The following NME5 variants were observed in gnomAD, a reference collection of about 807,000 sequenced individuals.
The protein encoded by NME5 is NME/NM23 family member 5, also known as nucleoside diphosphate kinase 5.
Under a neutral mutation model 21.6 loss-of-function variants are expected in NME5, and 18 were observed. The ratio of observed to expected loss-of-function variants is 0.83; its 90% CI spans 0.58 to 1.24. The LOEUF (loss-of-function observed/expected upper bound fraction) is 1.24, where lower values mean the gene tolerates loss of function less well. Ranked by LOEUF, NME5 falls within the 50% of genes most tolerant of loss-of-function variation. The pLI is 0.00. For synonymous variants in NME5, 70 were observed against 80.6 expected, an observed-to-expected ratio of 0.87 and a Z score of 0.71; for missense variants, 223 against 255.4, an observed-to-expected ratio of 0.87 and a Z score of 0.86.
chr5:138,135,523 C>A (rs540168802), intron 2 of NME5, among the ~76,000 whole-genome samples: 3 of 151,528 alleles, frequency 2.0e-5, no homozygotes, highest in Non-Finnish European at 4.4e-5. Flanking sequence ...TTAGTAGAGA[C>A]GGGGTTTCAC....
intron 5 of NME5, among the ~76,000 whole-genome samples, chr5:138,118,101 C>A (rs917731581): frequency 4.6e-5 from 7 of 151,982 alleles, no homozygotes; most frequent in African/African-American, 1.7e-4. Context: ...TAAAAAGGTT[C>A]TCAATATTTG....
Position 138,139,392 on chromosome 5 carries a change from G to A in NME5, c.-27C>T. 1 of 985,672 alleles carries A rather than the reference G, an allele frequency of 1.0e-6. No homozygotes were observed. The highest frequency in any genetic ancestry group is 1.2e-6 in the Non-Finnish European group (1 of 830,166). The allele number at this position is 985,672 out of a possible 1,614,324, so 61.1% of individuals were successfully genotyped here. A position where few individuals can be genotyped will look rare whatever the true frequency, so the allele number is the denominator to read the frequency against. ...TCACCTCAGCGGCCGTCCTCATATG[G>A]TACAACTTGTTGCTAGGAGACCTGA... is the stretch of plus-strand genomic sequence containing the variant. On this transcript the variant is annotated 5_prime_UTR_variant, in exon 1 of 6. Transcript: ENST00000265191.
At chr5:138,133,652 CA>C (rs1404428489) in intron 2 of NME5, among the ~76,000 whole-genome samples, 1 of 152,176 alleles carries the variant, frequency 6.6e-6, no homozygotes, top group Non-Finnish European at 1.5e-5. Flanking sequence ...AATGACATAT[CA>C]TTTTTCAGCT....
intron 2 of NME5, among the ~76,000 whole-genome samples, chr5:138,136,553 A>G (rs968982786): frequency 1.3e-5 from 2 of 151,970 alleles, no homozygotes; most frequent in African/African-American, 4.8e-5. Flanking sequence ...TGAGTTGCAA[A>G]TCTTTTTCCC....
chr5:138,125,213 C>T (rs1581380004), intron 4 of NME5, among the ~76,000 whole-genome samples: 2 of 152,302 alleles, frequency 1.3e-5, no homozygotes, highest in Admixed American at 6.5e-5. Flanking sequence ...TGAGCCACCA[C>T]ACCCAGACTG....
chr5:138,126,351 A>T (rs1221840763), intron 4 of NME5, among the ~76,000 whole-genome samples: 2 of 151,890 alleles, frequency 1.3e-5, no homozygotes, highest in African/African-American at 4.8e-5. Context: ...TTCTACAAAA[A>T]ACTTGAAAAA....
intron 1 of NME5, chr5:138,139,087 C>A (rs1751802529): frequency 6.0e-6 from 1 of 167,514 alleles, no homozygotes; most frequent in Non-Finnish European, 1.2e-5. Flanking sequence ...CTGGAACCAG[C>A]AACAGCCCCA....
rs548059039 is a variant in NME5 at position 138,134,329 on chromosome 5, C to T, written c.129+4323G>A. Among the ~76,000 whole-genome samples, 32 of 152,180 alleles carry T rather than the reference C, an allele frequency of 2.1e-4. No homozygotes were observed. In the South Asian group the frequency reaches 5.0e-3, roughly 24 times the overall value. On this transcript the variant is annotated intron_variant, in intron 2 of 5. Transcript: ENST00000265191. ...TGAAATCTCAGCTCACTGCAACCTCCGCCTCCCAGATTCAAGCGATTCTCC... is the reference window on the plus strand; with the variant it reads ...TGAAATCTCAGCTCACTGCAACCTCTGCCTCCCAGATTCAAGCGATTCTCC...
Position 138,138,804 on chromosome 5 carries a change from AAG to A in NME5, c.-5-21_-5-20del, listed in dbSNP as rs531234079. ...ATTATGGCTTTTCAGGGCACAAATT[AAG>A]AGTTTCTTAACAGGTATCAACTGCA... On this transcript the variant is annotated intron_variant, in intron 1 of 5. Transcript: ENST00000265191. 187 of 1,593,526 alleles carry A rather than the reference AAG, an allele frequency of 1.2e-4. 1 individual carries two copies. In the East Asian group the frequency reaches 4.1e-3, roughly 35 times the overall value.
intron 2 of NME5, among the ~76,000 whole-genome samples, chr5:138,129,829 C>T (rs1213727605): frequency 6.6e-6 from 1 of 152,066 alleles, no homozygotes. Flanking sequence ...GGGCGGCATG[C>T]GCCTGTAGTC....
intron 5 of NME5, among the ~76,000 whole-genome samples, chr5:138,118,097 G>A (rs143358853): frequency 6.6e-6 from 1 of 151,862 alleles, no homozygotes; most frequent in Non-Finnish European, 1.5e-5. Flanking sequence ...ATTTTAAAAA[G>A]GTTCTCAATA....
At chr5:138,133,732 T>A (rs1037866216) in intron 2 of NME5, among the ~76,000 whole-genome samples, 9 of 152,192 alleles carry the variant, frequency 5.9e-5, no homozygotes, top group Non-Finnish European at 5.9e-5. Context: ...AAGCATACAG[T>A]GCAAAGGACA....
intron 2 of NME5, among the ~76,000 whole-genome samples, chr5:138,138,132 A>T (rs1751751288): frequency 6.6e-6 from 1 of 152,284 alleles, no homozygotes; most frequent in Non-Finnish European, 1.5e-5. Flanking sequence ...TAATTGCAGA[A>T]CATAAGGCTT....
chr5:138,121,107 A>G (rs1459642462), intron 4 of NME5, among the ~76,000 whole-genome samples: 1 of 151,930 alleles, frequency 6.6e-6, no homozygotes, highest in Non-Finnish European at 1.5e-5. Context: ...CAGTAGGATT[A>G]CCTGAAGCCA....
chr5:138,115,984 C>T (rs561997250), intron 5 of NME5, among the ~76,000 whole-genome samples: 6 of 152,108 alleles, frequency 3.9e-5, no homozygotes, highest in Non-Finnish European at 8.8e-5. Flanking sequence ...ATGGCATAAA[C>T]CTACATGTGG....
chr5:138,130,796 C>T (rs1751544450), intron 2 of NME5, among the ~76,000 whole-genome samples: 2 of 151,372 alleles, frequency 1.3e-5, no homozygotes, highest in South Asian at 4.2e-4. Flanking sequence ...TGTGGTGGCA[C>T]GCGCCTGTAG....
chr5:138,123,206 A>G lies in NME5; in HGVS notation c.437-4270T>C, dbSNP rs184429381. 2.0e-5 allele frequency: 3 copies of G among 152,328 alleles called. No individual in the cohort carries two copies. The East Asian group carries it at 5.8e-4, about 29-fold the overall frequency. The allele number at this position is 152,328 out of a possible 1,614,324, so 9.4% of individuals were successfully genotyped here. ...ACACTATGGAAAGACAAATCAAGCT[A>G]ATTAATATATGCATTACCTCAAATA... is the stretch of plus-strand genomic sequence containing the variant. On this transcript the variant is annotated intron_variant, in intron 4 of 5. Transcript: ENST00000265191.
At chr5:138,117,116 C>A (rs1304306704) in intron 5 of NME5, among the ~76,000 whole-genome samples, 1 of 134,226 alleles carries the variant, frequency 7.5e-6, no homozygotes, top group Non-Finnish European at 1.5e-5. Context: ...GCCTGGTGCA[C>A]AAGAATCACT....
intron 2 of NME5, among the ~76,000 whole-genome samples, chr5:138,129,919 T>C (rs1261345442): frequency 6.6e-6 from 1 of 152,182 alleles, no homozygotes; most frequent in Non-Finnish European, 1.5e-5. Flanking sequence ...ACTGCACCAC[T>C]GCACTCCAGC....
Sources: gnomAD v4.1 joint callset for allele counts (sites outside exome capture counted in the v4.1 genomes callset) on GRCh38, gnomAD v4.1.1 for gene constraint, MANE v1.5 for transcripts, NCBI Gene and HGNC (gene_info 2026-07-23, HGNC 2026-07-21) for gene names.